DDX10: variants seen among roughly 807,000 people sequenced by gnomAD.
DDX10 encodes DEAD-box helicase 10.
A neutral mutation model predicts 104.3 loss-of-function variants in DDX10; 74 were observed. The observed-to-expected ratio is 0.71, with a 90% CI of 0.59 to 0.86. DDX10 has a LOEUF of 0.86. DDX10 is among the 40% of genes least tolerant of loss of function. The pLI, the probability that DDX10 is intolerant of heterozygous loss-of-function variation, is 0.00. For synonymous variants in DDX10, 351 were observed against 353.4 expected, an observed-to-expected ratio of 0.99 and a Z score of 0.08; for missense variants, 952 against 1,040.0, an observed-to-expected ratio of 0.92 and a Z score of 1.16.
chr11:108,890,678 A>G (rs1863364336), intron 16 of DDX10, among the ~76,000 whole-genome samples: 1 of 152,086 alleles, frequency 6.6e-6, no homozygotes, highest in Non-Finnish European at 1.5e-5. Context: ...TTACCCTACA[A>G]TCCTGCCAGA....
chr11:108,898,229 G>A (rs1007504395), intron 16 of DDX10, among the ~76,000 whole-genome samples: 1 of 151,928 alleles, frequency 6.6e-6, no homozygotes, highest in Non-Finnish European at 1.5e-5. Flanking sequence ...AAAAAGAATC[G>A]AGCCTTTTTG....
chr11:108,780,169 C>A (rs2094376275), intron 13 of DDX10, among the ~76,000 whole-genome samples: 1 of 151,974 alleles, frequency 6.6e-6, no homozygotes, highest in Non-Finnish European at 1.5e-5. Context: ...CCTTGCTTTC[C>A]AAAAATAAAA....
intron 16 of DDX10, among the ~76,000 whole-genome samples, chr11:108,859,711 ATTTGAATCATTGTG>A (rs1862915660): frequency 6.6e-6 from 1 of 152,170 alleles, no homozygotes; most frequent in Non-Finnish European, 1.5e-5. Context: ...AATTAACTGT[ATTTGAATCATTGTG>A]GTCAGTTTCA....
At position 108,691,543 on chromosome 11, in the gene DDX10, C is replaced by G. The variant is rs559573594; in HGVS notation, c.976-333C>G. Among the ~76,000 whole-genome samples the G allele has an allele frequency of 2.0e-3, 312 of 152,218 alleles. 2 individuals carry two copies. The highest frequency in any genetic ancestry group is 3.2e-3 in the Non-Finnish European group (219 of 68,000). Reference sequence around the variant, plus strand: ...CTAATTATTTTAATAATTGCTGAGTCTGAGAGGAAAGTTCAGTCAGCCTAT... The same window carrying G: ...CTAATTATTTTAATAATTGCTGAGTGTGAGAGGAAAGTTCAGTCAGCCTAT... On this transcript the variant is annotated intron_variant, in intron 7 of 17. Transcript: ENST00000322536.
chr11:108,908,070 A>T lies in DDX10; in HGVS notation c.2305-9803A>T, dbSNP rs929579135. Among the ~76,000 whole-genome samples, 5 of 152,326 alleles carry T rather than the reference A, an allele frequency of 3.3e-5. No individual in the cohort carries two copies. The South Asian group carries it at 1.0e-3, about 32-fold the overall frequency. Reference sequence around the variant, plus strand: ...CTCACTTTCAGTAATGCATTTAATAACATCACTAACCTTTTTTGTGTTCAT... The same window carrying T: ...CTCACTTTCAGTAATGCATTTAATATCATCACTAACCTTTTTTGTGTTCAT... On this transcript the variant is annotated intron_variant, in intron 16 of 17. Coordinates refer to ENST00000322536, the MANE Select transcript of DDX10 (RefSeq NM_004398.4).
At chr11:108,790,868 A>G (rs1454979431) in intron 13 of DDX10, among the ~76,000 whole-genome samples, 2 of 152,146 alleles carry the variant, frequency 1.3e-5, no homozygotes, top group East Asian at 3.9e-4. Flanking sequence ...GAGTTATCCA[A>G]AAATATAGAT....
chr11:108,866,669 A>T (rs1863011323), intron 16 of DDX10, among the ~76,000 whole-genome samples: 1 of 152,216 alleles, frequency 6.6e-6, no homozygotes, highest in Non-Finnish European at 1.5e-5. Flanking sequence ...AATTTTTAAT[A>T]GCTGCCAGTA....
At chr11:108,899,763 C>T (rs1393129906) in intron 16 of DDX10, among the ~76,000 whole-genome samples, 1 of 152,116 alleles carries the variant, frequency 6.6e-6, no homozygotes, top group African/African-American at 2.4e-5. Flanking sequence ...TTCCTCATGG[C>T]TTGGTGCTGT....
At chr11:108,881,307 T>C (rs963945897) in intron 16 of DDX10, among the ~76,000 whole-genome samples, 2 of 152,178 alleles carry the variant, frequency 1.3e-5, no homozygotes, top group Non-Finnish European at 2.9e-5. Context: ...CTTAGTGATG[T>C]GGAAGTCCTG....
chr11:108,715,899 T>G lies in DDX10; in HGVS notation c.1343T>G (p.Ile448Arg). The G allele has an allele frequency of 1.9e-6, 3 of 1,539,690 alleles. No individual in the cohort carries two copies. The highest frequency in any genetic ancestry group is 2.7e-6 in the Non-Finnish European group (3 of 1,115,818). Residue 448 changes from isoleucine to arginine, a missense_variant, in exon 11 of 18, where the codon ATA (isoleucine) becomes AGA (arginine). Coordinates refer to ENST00000322536, the MANE Select transcript of DDX10 (RefSeq NM_004398.4). ...KEIKINPEKL[I>R]DVQKKLESIL... ...CAAAGAATCAATCCAGAAAAACTTA[T>G]AGATGTCCAGAAAAAATTGGAATCT...
intron 13 of DDX10, 168 bp from the exon 14 acceptor site, chr11:108,838,278 A>T: frequency 1.6e-6 from 1 of 622,478 alleles, no homozygotes; most frequent in Non-Finnish European, 2.5e-6. Context: ...AGGAGTTCTT[A>T]GTTAATAAGT....
In DDX10 at chr11:108,674,025, A is replaced by G. The variant is rs115604232; in HGVS notation, c.247+498A>G. Among the ~76,000 whole-genome samples, 171 of 152,282 alleles carry G rather than the reference A, an allele frequency of 1.1e-3. 2 individuals are homozygous for G. The highest frequency in any genetic ancestry group is 4.0e-3 in the African/African-American group (166 of 41,554). ...GCTGCCTTTTTATTTTTGGATACAT[A>G]AAAATTGTATATATTTGGCCAGGTG... On this transcript the variant is annotated intron_variant, in intron 2 of 17. Transcript: ENST00000322536.
intron 7 of DDX10, among the ~76,000 whole-genome samples, chr11:108,691,378 A>G (rs562188982): frequency 6.6e-6 from 1 of 152,356 alleles, no homozygotes; most frequent in Non-Finnish European, 1.5e-5. Context: ...GTATCCATTT[A>G]TGGGTACAAA....
At chr11:108,845,874 C>A (rs1052318280) in intron 15 of DDX10, among the ~76,000 whole-genome samples, 1 of 152,030 alleles carries the variant, frequency 6.6e-6, no homozygotes, top group Non-Finnish European at 1.5e-5. Context: ...TTTGCTCTTG[C>A]GTTTAAAAGT....
At chr11:108,756,693 A>G (rs1448432615) in intron 13 of DDX10, among the ~76,000 whole-genome samples, 1 of 152,060 alleles carries the variant, frequency 6.6e-6, no homozygotes, top group African/African-American at 2.4e-5. Flanking sequence ...GGCTTCTTTC[A>G]GAAGTCCCCT....
At chr11:108,779,679 A>T (rs898918456) in intron 13 of DDX10, among the ~76,000 whole-genome samples, 5 of 152,306 alleles carry the variant, frequency 3.3e-5, no homozygotes, top group Non-Finnish European at 7.4e-5. Context: ...AAAAAAATAA[A>T]AAATAATAAA....
intron 13 of DDX10, among the ~76,000 whole-genome samples, chr11:108,814,392 A>G (rs1381627928): frequency 6.6e-6 from 1 of 152,132 alleles, no homozygotes; most frequent in Non-Finnish European, 1.5e-5. Flanking sequence ...TTTAGGTCCT[A>G]AATCAAATGT....
rs1157250808 is a variant in DDX10, at chr11:108,677,075, T to A, written c.379-10T>A. On this transcript the variant is annotated splice_polypyrimidine_tract_variant and intron_variant, in intron 3 of 17. Transcript: ENST00000322536. ...TGACTTACTGAACATGAATTTGCTG[T>A]CTTTTTGAGGTGCTGGAAGCCTTAT... 2 of 1,593,298 alleles carry A rather than the reference T, an allele frequency of 1.3e-6. No homozygotes were observed. Among genetic ancestry groups the A allele is most frequent in the East Asian group, 2.3e-5 (1 of 44,338 alleles).
chr11:108,842,969 C>T (rs992478829), intron 15 of DDX10, among the ~76,000 whole-genome samples: 46 of 152,300 alleles, frequency 3.0e-4, no homozygotes, highest in African/African-American at 1.0e-3. Flanking sequence ...GTTACTATAT[C>T]CATGTCATTG....
Sources: gnomAD v4.1 joint callset for allele counts (sites outside exome capture counted in the v4.1 genomes callset) on GRCh38, gnomAD v4.1.1 for gene constraint, MANE v1.5 for transcripts, NCBI Gene and HGNC (gene_info 2026-07-23, HGNC 2026-07-21) for gene names.